NFIB: variants seen among roughly 807,000 people sequenced by gnomAD.
NFIB encodes the protein nuclear factor I B.
NFIB carries 11 observed loss-of-function variants against 61.5 expected under a neutral mutation model. The observed-to-expected ratio is 0.18, with a 90% CI of 0.11 to 0.30. The LOEUF (loss-of-function observed/expected upper bound fraction) is 0.30. NFIB is among the 10% of genes least tolerant of loss of function. NFIB has a pLI of 1.00. For missense variants in NFIB, 471 were observed against 608.9 expected, an observed-to-expected ratio of 0.77 and a Z score of 2.38; for synonymous variants, 260 against 216.5, an observed-to-expected ratio of 1.20 and a Z score of -1.76.
At chr9:14,134,332 C>T (rs1427937059) in intron 6 of NFIB, among the ~76,000 whole-genome samples, 1 of 152,100 alleles carries the variant, frequency 6.6e-6, no homozygotes, top group Admixed American at 6.5e-5. Context: ...AGTAATTCTA[C>T]AGTAGGAATG....
chr9:14,362,166 GA>G (rs999618002), intron 1 of NFIB: 4 of 152,092 alleles, frequency 2.6e-5, no homozygotes, highest in African/African-American at 9.7e-5. Flanking sequence ...TTTTAAAAAA[GA>G]AAAAATCAAA....
At chr9:14,146,852 G>T in intron 5 of NFIB, 45 bp from the exon 6 acceptor site, 1 of 1,588,752 alleles carries the variant, frequency 6.3e-7, no homozygotes, top group Non-Finnish European at 8.5e-7. Context: ...TTTCTGGGAA[G>T]ATGTGTACAT....
chr9:14,196,535 A>G (rs1328092568), intron 2 of NFIB, among the ~76,000 whole-genome samples: 1 of 152,136 alleles, frequency 6.6e-6, no homozygotes, highest in Non-Finnish European at 1.5e-5. Context: ...GCGCTACACC[A>G]AAATATACCA....
intron 1 of NFIB, among the ~76,000 whole-genome samples, chr9:14,367,272 A>G (rs747260993): frequency 1.2e-4 from 19 of 152,126 alleles, no homozygotes; most frequent in Non-Finnish European, 1.2e-4. Context: ...CAGTTTCCAT[A>G]GTGAACTCAG....
At chr9:14,310,237 A>G (rs917738752) in intron 1 of NFIB, among the ~76,000 whole-genome samples, 3 of 152,198 alleles carry the variant, frequency 2.0e-5, no homozygotes, top group African/African-American at 4.8e-5. Context: ...TGCTGCCAAT[A>G]TTGTTTTAAA....
Position 14,120,305 on chromosome 9 carries a change from C to G in NFIB, c.1245+135G>C, listed in dbSNP as rs2038755020. 1.0e-6 allele frequency: 1 copy of G among 952,396 alleles called. No homozygotes were observed. Among genetic ancestry groups the G allele is most frequent in the Non-Finnish European group, 1.7e-6 (1 of 605,510 alleles). 59.0% of individuals were successfully genotyped at this position (952,396 alleles called of 1,614,324 possible). On this transcript the variant is annotated intron_variant, in intron 8 of 10. Coordinates refer to ENST00000380953, the MANE Select transcript of NFIB (RefSeq NM_001190737.2). The surrounding 1 kb of genome is among the most constrained non-coding windows in gnomAD (Gnocchi z 4.4). ...CTTTAAATAAAAACTTATTGAGTCA[C>G]CAAGCAACTTCCTGAAGATGGATTT...
the NFIB span, among the ~76,000 whole-genome samples, chr9:14,461,217 G>C: frequency 3.3e-5 from 5 of 152,292 alleles, no homozygotes. Flanking sequence ...GGAACTGTGA[G>C]CTTGGCAGAG....
At chr9:14,203,738 T>C (rs2049314686) in intron 2 of NFIB, among the ~76,000 whole-genome samples, 1 of 152,228 alleles carries the variant, frequency 6.6e-6, no homozygotes, top group African/African-American at 2.4e-5. Flanking sequence ...AAATAAGACT[T>C]GGTACCACAA....
the NFIB span, among the ~76,000 whole-genome samples, chr9:14,527,727 G>A: frequency 3.9e-5 from 6 of 152,072 alleles, no homozygotes; most frequent in African/African-American, 1.4e-4. Flanking sequence ...CCAATATTTA[G>A]ACATAATATC....
rs1453258907 is a variant in NFIB, at chr9:14,087,778, G to A, written c.*531C>T. The A allele has an allele frequency of 6.4e-5, 14 of 218,948 alleles. No homozygotes were observed. Among genetic ancestry groups the A allele is most frequent in the Non-Finnish European group, 1.8e-5 (2 of 108,910 alleles). 13.6% of individuals were successfully genotyped at this position (218,948 alleles called of 1,614,324 possible). ...GGCTCTGTCACCCAGCACCTCTGAC[G>A]CCGCCTCCTAGCCTTCGTTGGTGAG... On this transcript the variant is annotated 3_prime_UTR_variant, in exon 11 of 11. Coordinates refer to ENST00000380953, the MANE Select transcript of NFIB (RefSeq NM_001190737.2).
rs754230417 is a variant in NFIB at position 14,208,083 on chromosome 9, C to G, written c.563-28303G>C. 5.3e-5 allele frequency among the ~76,000 whole-genome samples: 8 copies of G among 152,200 alleles called. No individual in the cohort carries two copies. The East Asian group carries it at 9.6e-4, about 18-fold the overall frequency. ...CTAAATTCAAAGGTCACTTCCCACTCCCTAAATAGTTTTATACCCCAAAAG... is the reference window on the plus strand; with the variant it reads ...CTAAATTCAAAGGTCACTTCCCACTGCCTAAATAGTTTTATACCCCAAAAG... On this transcript the variant is annotated intron_variant, in intron 2 of 10. Transcript: ENST00000380953.
chr9:14,242,024 C>CA (rs922869786), intron 2 of NFIB, among the ~76,000 whole-genome samples: 20 of 151,744 alleles, frequency 1.3e-4, no homozygotes, highest in African/African-American at 4.8e-4. Context: ...TTTGAAAAGG[C>CA]AAAAAAAATT....
chr9:14,493,955 G>C, the NFIB span, among the ~76,000 whole-genome samples: 1 of 152,182 alleles, frequency 6.6e-6, no homozygotes, highest in Admixed American at 6.5e-5. Flanking sequence ...TTTTAAGTTA[G>C]ATCAGGTTTC....
the NFIB span, among the ~76,000 whole-genome samples, chr9:14,511,338 A>C: frequency 2.0e-5 from 3 of 152,000 alleles, no homozygotes. Context: ...TTTATAAAAG[A>C]ATCTTTATAA....
chr9:14,102,959 A>C (rs550175099), intron 10 of NFIB, among the ~76,000 whole-genome samples: 22 of 152,360 alleles, frequency 1.4e-4, no homozygotes, highest in African/African-American at 5.1e-4. Flanking sequence ...TGCAGTTTAG[A>C]GGAGAAAAGG....
the NFIB span, among the ~76,000 whole-genome samples, chr9:14,472,504 C>G: frequency 6.6e-6 from 1 of 152,122 alleles, no homozygotes; most frequent in Non-Finnish European, 1.5e-5. Context: ...AGCTTGTATT[C>G]TGTAAAGCTT....
chr9:14,300,167 T>C (rs190144783), intron 2 of NFIB: 1 of 398,470 alleles, frequency 2.5e-6, no homozygotes, highest in African/African-American at 2.1e-5. Flanking sequence ...AGAATTTACT[T>C]TAAAATGAGA....
the NFIB span, among the ~76,000 whole-genome samples, chr9:14,427,024 C>A: frequency 1.3e-5 from 2 of 152,118 alleles, no homozygotes; most frequent in Non-Finnish European, 2.9e-5. Context: ...CTCCATGGCC[C>A]CTTTCAGGTC....
intron 10 of NFIB, among the ~76,000 whole-genome samples, chr9:14,110,168 C>A (rs1394901558): frequency 6.6e-6 from 1 of 152,028 alleles, no homozygotes; most frequent in Admixed American, 6.6e-5. Context: ...ACTGTAGTAT[C>A]ATCTTGTGGA....
Sources: allele counts gnomAD v4.1 joint callset (sites outside exome capture counted in the v4.1 genomes callset), GRCh38; gene constraint gnomAD v4.1.1; non-coding constraint Gnocchi (gnomAD v3.1); transcripts MANE v1.5; gene names NCBI Gene and HGNC (gene_info 2026-07-23, HGNC 2026-07-21).